DPP6: variants seen among roughly 807,000 people sequenced by gnomAD.
DPP6 encodes A-type potassium channel modulatory protein DPP6.
A neutral mutation model predicts 122.6 loss-of-function variants in DPP6; 69 were observed. That is an observed-to-expected ratio of 0.56 (90% confidence interval 0.46 to 0.69). The LOEUF (loss-of-function observed/expected upper bound fraction) is 0.69, where lower values mean the gene tolerates loss of function less well. DPP6 is among the 30% of genes least tolerant of loss of function. The probability of loss-of-function intolerance (pLI) is 0.00; values close to 1 mark genes in which losing one functional copy is unlikely to be tolerated. For missense variants in DPP6, 928 were observed against 1,116.9 expected, an observed-to-expected ratio of 0.83 and a Z score of 2.41; for synonymous variants, 418 against 433.1, an observed-to-expected ratio of 0.97 and a Z score of 0.43.
intron 6 of DPP6, among the ~76,000 whole-genome samples, chr7:154,644,000 G>A (rs1214648175): frequency 6.6e-6 from 1 of 152,208 alleles, no homozygotes; most frequent in Non-Finnish European, 1.5e-5. Context: ...CCAGGCTGCT[G>A]CTGGAGTGTT....
chr7:154,848,094 A>G (rs7795715), intron 16 of DPP6, among the ~76,000 whole-genome samples: 1 of 152,088 alleles, frequency 6.6e-6, no homozygotes, highest in East Asian at 1.9e-4. Context: ...GGCTGTCTCC[A>G]TGTCTGGACT....
chr7:154,036,379 C>G (rs1315605892), intron 1 of DPP6, among the ~76,000 whole-genome samples: 5 of 148,238 alleles, frequency 3.4e-5, no homozygotes, highest in Admixed American at 1.3e-4. Context: ...CCTCAGCCTC[C>G]CAAAGTGCTG....
At chr7:154,389,553 G>A (rs1031948301) in intron 1 of DPP6, among the ~76,000 whole-genome samples, 2 of 151,948 alleles carry the variant, frequency 1.3e-5, no homozygotes, top group African/African-American at 4.8e-5. Context: ...GACCATTTGT[G>A]TTTTGAATTC....
chr7:154,577,695 G>A (rs919247714), intron 5 of DPP6, among the ~76,000 whole-genome samples: 3 of 152,160 alleles, frequency 2.0e-5, no homozygotes, highest in East Asian at 1.9e-4. Flanking sequence ...GAGAACACTC[G>A]ATTGCTTTCA....
chr7:154,170,549 C>T (rs981429272), intron 1 of DPP6, among the ~76,000 whole-genome samples: 4 of 152,180 alleles, frequency 2.6e-5, no homozygotes, highest in African/African-American at 9.7e-5. Context: ...CCTTTGATGT[C>T]AGGCCTGAAT....
chr7:154,007,672 C>T (rs536389105), intron 1 of DPP6, among the ~76,000 whole-genome samples: 4 of 152,170 alleles, frequency 2.6e-5, no homozygotes, highest in Admixed American at 1.3e-4. Flanking sequence ...TTTTAGACAA[C>T]GCTCCCTACA....
intron 1 of DPP6, among the ~76,000 whole-genome samples, chr7:153,983,731 C>G (rs1385718977): frequency 2.6e-5 from 4 of 152,100 alleles, no homozygotes; most frequent in East Asian, 3.9e-4. Flanking sequence ...TGGGAAAAGC[C>G]TAGTATTGGG....
At chr7:154,743,414 A>C (rs981522243) in intron 8 of DPP6, among the ~76,000 whole-genome samples, 1 of 152,176 alleles carries the variant, frequency 6.6e-6, no homozygotes, top group African/African-American at 2.4e-5. Context: ...AAAAGAATGG[A>C]GTTTTGTGCA....
intron 8 of DPP6, among the ~76,000 whole-genome samples, chr7:154,752,384 G>A (rs779323150): frequency 1.1e-4 from 16 of 152,152 alleles, no homozygotes; most frequent in Non-Finnish European, 1.9e-4. Context: ...GCTGTGACTG[G>A]CAAGGAGCGG....
chr7:154,261,463 CT>C (rs1487400683), intron 1 of DPP6, among the ~76,000 whole-genome samples: 1 of 152,162 alleles, frequency 6.6e-6, no homozygotes, highest in Non-Finnish European at 1.5e-5. Flanking sequence ...AAAAACCCTT[CT>C]AGACATTGGC....
chr7:154,782,152 G>A (rs1797067463), intron 10 of DPP6, among the ~76,000 whole-genome samples: 1 of 152,120 alleles, frequency 6.6e-6, no homozygotes, highest in South Asian at 2.1e-4. Context: ...CTAGAACCGT[G>A]TCTCCCACAT....
intron 16 of DPP6, among the ~76,000 whole-genome samples, chr7:154,810,981 T>G (rs1799025202): frequency 6.6e-6 from 1 of 152,248 alleles, no homozygotes. Context: ...GAAACTGAAC[T>G]CTTAGTCATT....
At chr7:154,291,223 C>T (rs6954807) in intron 1 of DPP6, among the ~76,000 whole-genome samples, 15,555 of 152,164 alleles carry the variant, frequency 0.1, 1,230 homozygotes, top group African/African-American at 0.21. Context: ...ACCACCCTAA[C>T]ATTACATTAG....
rs1033602646 is a variant in DPP6 at position 154,603,131 on chromosome 7, T to C, written c.628-34690T>C. Among the ~76,000 whole-genome samples, 14 of 120,188 alleles carry C rather than the reference T, an allele frequency of 1.2e-4. 4 individuals carry two copies. Among genetic ancestry groups the C allele is most frequent in the Admixed American group, 8.4e-4 (9 of 10,660 alleles). The allele number at this position is 120,188 out of a possible 152,430, so 78.8% of individuals were successfully genotyped here. ...CTCATCTTTTTTTCCTTTGTGTATA[T>C]GTTTCTTTTCTCTCTTGACTCATTC... On this transcript the variant is annotated intron_variant, in intron 5 of 25. Coordinates refer to ENST00000377770, the MANE Select transcript of DPP6 (RefSeq NM_130797.4).
intron 1 of DPP6, among the ~76,000 whole-genome samples, chr7:153,962,385 C>T (rs963242716): frequency 2.6e-5 from 4 of 152,166 alleles, no homozygotes; most frequent in Non-Finnish European, 5.9e-5. Context: ...AATAGCCTTC[C>T]TTGCCTTCTC....
Position 154,618,582 on chromosome 7 carries a change from CCA to C in DPP6, c.628-19236_628-19235del, listed in dbSNP as rs1383389557. Among the ~76,000 whole-genome samples the C allele has an allele frequency of 1.3e-5, 2 of 152,126 alleles. No homozygotes were observed. The highest frequency in any genetic ancestry group is 2.9e-5 in the Non-Finnish European group (2 of 68,030). On this transcript the variant is annotated intron_variant, in intron 5 of 25. Coordinates refer to ENST00000377770, the MANE Select transcript of DPP6 (RefSeq NM_130797.4). This position sits in a 1 kb window ranked among gnomAD's most constrained non-coding sequence, Gnocchi z 4.1. The stretch of plus-strand genomic sequence containing the variant: ...ATTTTCCTCATATGAAAGCAGAAAC[CCA>C]CAGAGTTTATGATGTGCTCAGAGCC...
chr7:154,267,606 T>C (rs1195822739), intron 1 of DPP6, among the ~76,000 whole-genome samples: 2 of 151,160 alleles, frequency 1.3e-5, no homozygotes, highest in African/African-American at 4.8e-5. Context: ...TATGTGCATG[T>C]ATATATCCCT....
At chr7:154,488,669 C>T (rs1299701486) in intron 3 of DPP6, among the ~76,000 whole-genome samples, 3 of 151,676 alleles carry the variant, frequency 2.0e-5, no homozygotes, top group Non-Finnish European at 2.9e-5. Flanking sequence ...CTTAGCATCC[C>T]GTGAAAGACA....
Position 154,140,586 on chromosome 7 carries a change from G to T in DPP6, c.243+87523G>T, listed in dbSNP as rs1795795820. Among the ~76,000 whole-genome samples, 3 of 152,264 alleles carry T rather than the reference G, an allele frequency of 2.0e-5. No individual in the cohort carries two copies. The South Asian group carries it at 6.2e-4, about 32-fold the overall frequency. On this transcript the variant is annotated intron_variant, in intron 1 of 25. Coordinates refer to ENST00000377770, the MANE Select transcript of DPP6 (RefSeq NM_130797.4). ...TCCTCCCACCTCAGCTTCCCAAACT[G>T]CTGGGATTACAGGCGTGAAACACTG... is the stretch of plus-strand genomic sequence containing the variant.
Sources: gnomAD v4.1 joint callset for allele counts (sites outside exome capture counted in the v4.1 genomes callset) on GRCh38, gnomAD v4.1.1 for gene constraint, Gnocchi (gnomAD v3.1) non-coding constraint, MANE v1.5 for transcripts, NCBI Gene and HGNC (gene_info 2026-07-23, HGNC 2026-07-21) for gene names.